FGF9: variants seen among roughly 807,000 people sequenced by gnomAD.
FGF9 encodes the protein fibroblast growth factor 9.
FGF9 carries 3 observed loss-of-function variants against 19.9 expected under a neutral mutation model. The ratio of observed to expected loss-of-function variants is 0.15; its 90% CI spans 0.07 to 0.39. FGF9 has a LOEUF of 0.39. Ranked by LOEUF, FGF9 falls within the 10% of genes least tolerant of loss-of-function variation. FGF9 has a pLI of 1.00. For missense variants in FGF9, 175 were observed against 256.8 expected (o/e 0.68, Z 2.18); for synonymous variants, 107 against 106.9 (o/e 1.00, Z -0.01).
chr13:21,697,226 C>T (rs138103415), intron 2 of FGF9, among the ~76,000 whole-genome samples: 16 of 152,266 alleles, frequency 1.1e-4, no homozygotes, highest in East Asian at 7.7e-4. Context: ...GTCACAATCA[C>T]GGCTCACTGC....
Position 21,672,153 on chromosome 13 carries a change from A to G in FGF9, c.241A>G (p.Thr81Ala). The G allele has an allele frequency of 6.2e-7, 1 of 1,614,222 alleles. No homozygotes were observed. Among genetic ancestry groups the G allele is most frequent in the Non-Finnish European group, 8.5e-7 (1 of 1,180,038 alleles). Residue 81 changes from threonine to alanine, a missense_variant, in exon 1 of 3, where the codon ACT becomes GCT. Physicochemically the swap from Thr to Ala is moderately conservative, Grantham distance 58. Around this residue, in one of 3 missense-constraint regions of FGF9, gnomAD observed 101 missense variants for 160.7 expected, o/e 0.63. Transcript: ENST00000382353. This position sits in a 1 kb window ranked among gnomAD's most constrained non-coding sequence, Gnocchi z 4.2. ...GFHLEIFPNG[T>A]IQGTRKDHSR... ...TCACTTAGAAATCTTCCCCAATGGT[A>G]CTATCCAGGGAACCAGGAAAGACCA...
intron 1 of FGF9, among the ~76,000 whole-genome samples, chr13:21,675,939 T>TC (rs1201951980): frequency 4.8e-5 from 7 of 146,962 alleles, no homozygotes; most frequent in South Asian, 2.1e-4. Flanking sequence ...TTTTTTTTTT[T>TC]CCCCCTCGGA....
chr13:21,671,618 C>A lies in FGF9; in HGVS notation c.-295C>A. ...GATGGGATGAAGACCTTCCTGCCTG[C>A]TAAGAGCTGGGGATCTATCTATAGA... On this transcript the variant is annotated 5_prime_UTR_variant, in exon 1 of 3. Transcript: ENST00000382353. The A allele has an allele frequency of 1.8e-6, 1 of 545,632 alleles. No individual in the cohort carries two copies. The highest frequency in any genetic ancestry group is 3.2e-6 in the Non-Finnish European group (1 of 310,426). 33.8% of individuals were successfully genotyped at this position (545,632 alleles called of 1,614,324 possible). A position where few individuals can be genotyped will look rare whatever the true frequency, so the allele number is the denominator to read the frequency against.
chr13:21,693,519 C>G (rs17840898), intron 2 of FGF9, among the ~76,000 whole-genome samples: 1,724 of 152,232 alleles, frequency 0.011, 30 homozygotes, highest in African/African-American at 0.04. Context: ...GTGCTTATGT[C>G]CAGCTGCTCC....
At chr13:21,690,187 TCA>T (rs1159594560) in intron 2 of FGF9, among the ~76,000 whole-genome samples, 1 of 152,086 alleles carries the variant, frequency 6.6e-6, no homozygotes, top group Non-Finnish European at 1.5e-5. Context: ...GCACACTCGC[TCA>T]CACACTCACA....
In FGF9 at chr13:21,672,224, ATG is replaced by A; in HGVS notation, c.277+36_277+37del. The A allele has an allele frequency of 6.2e-7, 1 of 1,613,064 alleles. No individual in the cohort carries two copies. ...CCATTAACCCTTTAGTGTCCATGAGATGACATGTTGAAATTATAACTACCAAG... is the reference window on the plus strand; with the variant it reads ...CCATTAACCCTTTAGTGTCCATGAGAACATGTTGAAATTATAACTACCAAG... On this transcript the variant is annotated intron_variant, in intron 1 of 2. Transcript: ENST00000382353. The surrounding 1 kb of genome is among the most constrained non-coding windows in gnomAD (Gnocchi z 4.2).
Position 21,694,172 on chromosome 13 carries a change from G to T in FGF9, c.382-7018G>T, listed in dbSNP as rs958534170. 3.9e-5 allele frequency among the ~76,000 whole-genome samples: 6 copies of T among 152,228 alleles called. No homozygotes were observed. The South Asian group carries it at 1.2e-3, about 32-fold the overall frequency. ...TTAATCGACTCACCCACAGTTACCC[G>T]AGTATGTGTGTGTGTTGCTGGAAGG... On this transcript the variant is annotated intron_variant, in intron 2 of 2. Transcript: ENST00000382353.
At chr13:21,692,297 G>T (rs139390790) in intron 2 of FGF9, among the ~76,000 whole-genome samples, 7 of 150,744 alleles carry the variant, frequency 4.6e-5, no homozygotes, top group African/African-American at 1.5e-4. Context: ...CCCTTCTTTC[G>T]TTTTCCATGT....
Position 21,671,786 on chromosome 13 carries a change from A to G in FGF9, c.-127A>G. 1 of 965,382 alleles carries G rather than the reference A, an allele frequency of 1.0e-6. No homozygotes were observed. Among genetic ancestry groups the G allele is most frequent in the South Asian group, 1.4e-5 (1 of 69,674 alleles). The allele number at this position is 965,382 out of a possible 1,614,324, so 59.8% of individuals were successfully genotyped here. ...TGCATTTAATGGATTGAAGAAAAGAACCTTTTTTTTCTCTCTCTCTCTGCA... is the reference window on the plus strand; with the variant it reads ...TGCATTTAATGGATTGAAGAAAAGAGCCTTTTTTTTCTCTCTCTCTCTGCA... On this transcript the variant is annotated 5_prime_UTR_variant, in exon 1 of 3. Transcript: ENST00000382353.
intron 2 of FGF9, among the ~76,000 whole-genome samples, 185 bp from the exon 3 acceptor site, chr13:21,701,005 A>T (rs1035113584): frequency 6.6e-6 from 1 of 152,172 alleles, no homozygotes; most frequent in Admixed American, 6.5e-5. Flanking sequence ...ATATTTATTT[A>T]CCTTTTTAAA....
chr13:21,699,971 A>G (rs967332401), intron 2 of FGF9, among the ~76,000 whole-genome samples: 1 of 151,954 alleles, frequency 6.6e-6, no homozygotes, highest in African/African-American at 2.4e-5. Context: ...GCCAGCTTCA[A>G]TGCACACATT....
Position 21,702,015 on chromosome 13 carries a change from A to T in FGF9, c.*580A>T, listed in dbSNP as rs1022062296. ...ATAAAAAAAAATAAAAAATAAAAATAAAAAAAGTTAAATTTATTTATAGAA... is the reference window on the plus strand; with the variant it reads ...ATAAAAAAAAATAAAAAATAAAAATTAAAAAAGTTAAATTTATTTATAGAA... On this transcript the variant is annotated 3_prime_UTR_variant, in exon 3 of 3. Coordinates refer to ENST00000382353, the MANE Select transcript of FGF9 (RefSeq NM_002010.3). 2.7e-4 allele frequency: 40 copies of T among 150,512 alleles called. No individual in the cohort carries two copies. Among genetic ancestry groups the T allele is most frequent in the Admixed American group, 2.6e-3 (40 of 15,214 alleles). 9.3% of individuals were successfully genotyped at this position (150,512 alleles called of 1,614,324 possible). A position where few individuals can be genotyped will look rare whatever the true frequency, so the allele number is the denominator to read the frequency against.
chr13:21,695,077 T>TGTGC (rs1242669576), intron 2 of FGF9, among the ~76,000 whole-genome samples: 166 of 144,644 alleles, frequency 1.1e-3, no homozygotes, highest in Non-Finnish European at 1.2e-3. Flanking sequence ...TGCGTGTGTG[T>TGTGC]GTGTGCGTGT....
At chr13:21,693,239 G>A (rs1304640702) in intron 2 of FGF9, among the ~76,000 whole-genome samples, 1 of 152,182 alleles carries the variant, frequency 6.6e-6, no homozygotes, top group Non-Finnish European at 1.5e-5. Flanking sequence ...TCAGCATAAG[G>A]GATGAGTTCC....
chr13:21,702,882 G>GT lies in FGF9; in HGVS notation c.*1453dup, dbSNP rs1872578973. 1 of 152,128 alleles carries GT rather than the reference G, an allele frequency of 6.6e-6. No individual in the cohort carries two copies. The highest frequency in any genetic ancestry group is 2.1e-4 in the South Asian group (1 of 4,832). 9.4% of individuals were successfully genotyped at this position (152,128 alleles called of 1,614,324 possible). On this transcript the variant is annotated 3_prime_UTR_variant, in exon 3 of 3. Transcript: ENST00000382353. ...GTATTATACTTGTTGACTGTGTTTT[G>GT]TTTTTTAAAATGGTCTCCACAAGCG...
intron 2 of FGF9, among the ~76,000 whole-genome samples, chr13:21,697,330 G>C (rs1272826573): frequency 1.3e-5 from 2 of 152,066 alleles, no homozygotes; most frequent in Admixed American, 6.5e-5. Context: ...TTGTTTTGTA[G>C]AGATGGGGGT....
chr13:21,680,260 A>T (rs960697869), intron 1 of FGF9, among the ~76,000 whole-genome samples: 1 of 152,210 alleles, frequency 6.6e-6, no homozygotes, highest in Admixed American at 6.5e-5. Context: ...TGAGGTTTAG[A>T]TAAGTATAGC....
Position 21,671,707 on chromosome 13 carries a change from T to G in FGF9, c.-206T>G. 1.6e-6 allele frequency: 1 copy of G among 625,664 alleles called. No homozygotes were observed. The highest frequency in any genetic ancestry group is 2.8e-6 in the Non-Finnish European group (1 of 354,820). The allele number at this position is 625,664 out of a possible 1,614,324, so 38.8% of individuals were successfully genotyped here. On this transcript the variant is annotated 5_prime_UTR_variant, in exon 1 of 3. Transcript: ENST00000382353. Reference sequence around the variant, plus strand: ...TATAAAGTGGTGGTTTCTTAGACTATCAGTGGTTTGACCTTGAACCTGTGC... The same window carrying G: ...TATAAAGTGGTGGTTTCTTAGACTAGCAGTGGTTTGACCTTGAACCTGTGC...
In FGF9 at chr13:21,701,390, C is replaced by T. The variant is rs750904852; in HGVS notation, c.582C>T (p.Pro194=). The T allele has an allele frequency of 3.1e-5, 50 of 1,613,638 alleles. No homozygotes were observed. The highest frequency in any genetic ancestry group is 2.7e-4 in the East Asian group (12 of 44,868). Residue 194 remains proline (P), a synonymous_variant, in exon 3 of 3, where the codon CCC becomes CCT. Coordinates refer to ENST00000382353, the MANE Select transcript of FGF9 (RefSeq NM_002010.3). ...FTHFLPRPVD[P]DKVPELYKDI... ...ATTTTTTACCTAGACCAGTGGACCC[C>T]GACAAAGTACCTGAACTGTATAAGG...
Sources: allele counts gnomAD v4.1 joint callset (sites outside exome capture counted in the v4.1 genomes callset), GRCh38; gene constraint gnomAD v4.1.1; regional missense constraint gnomAD v4.1.1; non-coding constraint Gnocchi (gnomAD v3.1); transcripts MANE v1.5; gene names NCBI Gene and HGNC (gene_info 2026-07-23, HGNC 2026-07-21).